The following SORBS2 variants were observed in gnomAD, a reference collection of about 807,000 sequenced individuals.
The protein encoded by SORBS2 is sorbin and SH3 domain-containing protein 2.
Under a neutral mutation model 97.7 loss-of-function variants are expected in SORBS2, and 46 were observed. The observed-to-expected ratio is 0.47, with a 90% CI of 0.37 to 0.60. SORBS2 has a LOEUF of 0.60. Ranked by LOEUF, SORBS2 falls within the 20% of genes least tolerant of loss-of-function variation. SORBS2 has a pLI of 0.00. For missense variants in SORBS2, 1,316 were observed against 1,282.3 expected, an observed-to-expected ratio of 1.03 and a Z score of -0.40; for synonymous variants, 476 against 473.4, an observed-to-expected ratio of 1.01 and a Z score of -0.07.
intron 12 of SORBS2, among the ~76,000 whole-genome samples, chr4:185,601,327 A>G (rs938412113): frequency 6.6e-6 from 1 of 152,120 alleles, no homozygotes; most frequent in African/African-American, 2.4e-5. Flanking sequence ...GGATGTACTC[A>G]TGTCATAAGC....
chr4:185,725,665 A>G (rs1204220784), intron 2 of SORBS2, among the ~76,000 whole-genome samples: 1 of 152,176 alleles, frequency 6.6e-6, no homozygotes, highest in Non-Finnish European at 1.5e-5. Flanking sequence ...ACTTATTAAT[A>G]TGGCTTCTAA....
chr4:185,588,793 T>C (rs981395933), intron 14 of SORBS2, among the ~76,000 whole-genome samples: 1 of 152,104 alleles, frequency 6.6e-6, no homozygotes, highest in Non-Finnish European at 1.5e-5. Flanking sequence ...TATTGTACTT[T>C]TGGTAGATAC....
intron 1 of SORBS2, among the ~76,000 whole-genome samples, chr4:185,934,299 C>T: frequency 6.6e-6 from 1 of 152,152 alleles, no homozygotes; most frequent in Admixed American, 6.5e-5. Context: ...CTCTGTAAGC[C>T]CTTCAGGATA....
At chr4:185,740,001 GTT>G (rs1433736761) in intron 2 of SORBS2, 5 of 152,556 alleles carry the variant, frequency 3.3e-5, no homozygotes, top group Non-Finnish European at 7.4e-5. Flanking sequence ...AAACACTTAC[GTT>G]TTGTGGAGCC....
intron 2 of SORBS2, among the ~76,000 whole-genome samples, chr4:185,712,742 C>T (rs11932587): frequency 0.78 from 118,252 of 152,096 alleles, 47,294 homozygotes; most frequent in Non-Finnish European, 0.89. Context: ...CGCTCATGCA[C>T]GCCAGCTTCC....
intron 1 of SORBS2, among the ~76,000 whole-genome samples, chr4:185,920,139 T>C (rs1382463119): frequency 1.3e-5 from 2 of 152,186 alleles, no homozygotes; most frequent in African/African-American, 4.8e-5. Context: ...TGTCAAATGG[T>C]TTTAAATATA....
chr4:185,638,961 T>C (rs1204575042), intron 4 of SORBS2: 3 of 1,523,550 alleles, frequency 2.0e-6, no homozygotes, highest in East Asian at 2.7e-5. Context: ...CAGTGACTTC[T>C]CCGAGTCGGG....
At chr4:185,794,219 G>A (rs7686104) in intron 1 of SORBS2, among the ~76,000 whole-genome samples, 74,547 of 151,978 alleles carry the variant, frequency 0.49, 18,288 homozygotes, top group Middle Eastern at 0.56. Context: ...AAGAAATGAC[G>A]TTAGGGTGGG....
At chr4:185,616,090 A>G (rs2096622099) in intron 9 of SORBS2, among the ~76,000 whole-genome samples, 2 of 152,090 alleles carry the variant, frequency 1.3e-5, no homozygotes, top group African/African-American at 4.8e-5. Context: ...CAAGAGCCTC[A>G]TTTTGCAATA....
rs536390724 is a variant in SORBS2 at position 185,913,051 on chromosome 4, A to G, written c.-338+43145T>C. ...ATTTGCTAAAGTGCTGCAGGGTTGC[A>G]TTAAAAAATGTCTTGCTGTGCTGAA... On this transcript the variant is annotated intron_variant, in intron 1 of 20. Coordinates refer to the SORBS2 transcript ENST00000284776. Among the ~76,000 whole-genome samples, 6 of 152,332 alleles carry G rather than the reference A, an allele frequency of 3.9e-5. No homozygotes were observed. The East Asian group carries it at 1.2e-3, about 29-fold the overall frequency.
In SORBS2 at chr4:185,703,033, C is replaced by T. The variant is rs111976202; in HGVS notation, c.-197-24211G>A. Among the ~76,000 whole-genome samples, 525 of 152,248 alleles carry T rather than the reference C, an allele frequency of 3.4e-3. 7 individuals are homozygous for T. The highest frequency in any genetic ancestry group is 1.4e-3 in the East Asian group (7 of 5,182). On this transcript the variant is annotated intron_variant, in intron 2 of 20. Coordinates refer to the SORBS2 transcript ENST00000284776. ...GATAGCATCATGATGAGATGGGGTA[C>T]ATATTAACACATGTCCAAGCCACCA...
intron 2 of SORBS2, among the ~76,000 whole-genome samples, chr4:185,724,719 T>A (rs527324983): frequency 6.6e-6 from 1 of 152,300 alleles, no homozygotes; most frequent in South Asian, 2.1e-4. Context: ...TGCCAGACTA[T>A]CTGCTCTCCC....
chr4:185,864,058 A>G (rs2099225418), intron 1 of SORBS2, among the ~76,000 whole-genome samples: 2 of 152,224 alleles, frequency 1.3e-5, no homozygotes, highest in South Asian at 4.1e-4. Flanking sequence ...TGCAATGGCT[A>G]ACTCTTGTGT....
At chr4:185,858,632 C>A (rs984209120) in intron 1 of SORBS2, among the ~76,000 whole-genome samples, 2 of 152,100 alleles carry the variant, frequency 1.3e-5, no homozygotes, top group African/African-American at 4.8e-5. Context: ...CATAGTGGGC[C>A]ACTAAGGGAG....
intron 4 of SORBS2, chr4:185,638,969 G>C: frequency 1.3e-6 from 2 of 1,523,058 alleles, no homozygotes; most frequent in African/African-American, 1.4e-5. Flanking sequence ...TCTCCGAGTC[G>C]GGAGCTAGAA....
chr4:185,764,653 G>A (rs1353229335), intron 2 of SORBS2, among the ~76,000 whole-genome samples: 4 of 152,126 alleles, frequency 2.6e-5, no homozygotes, highest in Non-Finnish European at 5.9e-5. Flanking sequence ...GTTAGCAGCT[G>A]TGAAAGATAT....
intron 1 of SORBS2, among the ~76,000 whole-genome samples, chr4:185,798,651 A>T (rs909794268): frequency 2.0e-5 from 3 of 152,198 alleles, no homozygotes; most frequent in Non-Finnish European, 4.4e-5. Context: ...TGTTCTTATC[A>T]GAAAAAAGCG....
rs566104528 is a variant in SORBS2, at chr4:185,835,469, A to C, written c.-337-60103T>G. Reference sequence around the variant, plus strand: ...TATTATCTCACATTCAGGTGAACTTATGACATTTTTTCCCCTGAGGAATCT... The same window carrying C: ...TATTATCTCACATTCAGGTGAACTTCTGACATTTTTTCCCCTGAGGAATCT... On this transcript the variant is annotated intron_variant, in intron 1 of 20. Transcript: ENST00000284776. 1.3e-3 allele frequency among the ~76,000 whole-genome samples: 203 copies of C among 152,288 alleles called. 1 individual carries two copies. The highest frequency in any genetic ancestry group is 4.5e-3 in the African/African-American group (189 of 41,562).
chr4:185,602,273 G>T (rs1237298402), intron 12 of SORBS2, among the ~76,000 whole-genome samples: 3 of 152,182 alleles, frequency 2.0e-5, no homozygotes, highest in African/African-American at 7.2e-5. Flanking sequence ...CTCTCAAAGT[G>T]CTGGGATTAC....
Sources: allele counts gnomAD v4.1 joint callset (sites outside exome capture counted in the v4.1 genomes callset), GRCh38; gene constraint gnomAD v4.1.1; transcripts MANE v1.5; gene names NCBI Gene and HGNC (gene_info 2026-07-23, HGNC 2026-07-21).